The following ETV6 variants were observed in gnomAD, a reference collection of about 807,000 sequenced individuals.
ETV6 encodes the protein ETS variant transcription factor 6, also known as transcription factor ETV6.
A neutral mutation model predicts 51.1 loss-of-function variants in ETV6; 16 were observed. The observed-to-expected ratio is 0.31, with a 90% CI of 0.21 to 0.48. The LOEUF (loss-of-function observed/expected upper bound fraction) is 0.48. ETV6 is among the 20% of genes least tolerant of loss of function. The pLI, the probability that ETV6 is intolerant of heterozygous loss-of-function variation, is 0.99. For missense variants in ETV6, 458 were observed against 594.8 expected (o/e 0.77, Z 2.39); for synonymous variants, 240 against 224.1 (o/e 1.07, Z -0.64).
intron 2 of ETV6, among the ~76,000 whole-genome samples, chr12:11,831,199 G>GTGTGTC (rs1565543126): frequency 6.6e-6 from 1 of 151,792 alleles, no homozygotes; most frequent in Non-Finnish European, 1.5e-5. Flanking sequence ...TTGTGTGTGT[G>GTGTGTC]TGTGTCTGTG....
chr12:11,858,863 A>G (rs1192663268), intron 4 of ETV6, among the ~76,000 whole-genome samples: 3 of 152,148 alleles, frequency 2.0e-5, no homozygotes, highest in Non-Finnish European at 4.4e-5. Flanking sequence ...AGTGCAATTG[A>G]TCTCAATTTT....
In ETV6 at chr12:11,752,626, CG is replaced by C. The variant is rs72552337; in HGVS notation, c.163+52del. 11,802 of 1,569,252 alleles carry C rather than the reference CG, an allele frequency of 7.5e-3. 82 individuals are homozygous for C. The highest frequency in any genetic ancestry group is 0.023 in the South Asian group (2,063 of 88,242). ...GGGACAGAGGATTGATGGCGTGGGG[CG>C]GGGGTGGCAGGCAGTGGGCTCCAGG... On this transcript the variant is annotated intron_variant, in intron 2 of 7. Transcript: ENST00000396373.
At chr12:11,831,181 T>A (rs1946238910) in intron 2 of ETV6, among the ~76,000 whole-genome samples, 1 of 152,116 alleles carries the variant, frequency 6.6e-6, no homozygotes, top group Admixed American at 6.6e-5. Context: ...GCTCAATTTT[T>A]AAATAGTTTG....
At chr12:11,819,449 G>T (rs973781205) in intron 2 of ETV6, among the ~76,000 whole-genome samples, 1 of 152,192 alleles carries the variant, frequency 6.6e-6, no homozygotes, top group South Asian at 2.1e-4. Context: ...TCATCAGTGC[G>T]ATGGGGACTT....
intron 1 of ETV6, among the ~76,000 whole-genome samples, chr12:11,661,836 G>C (rs1383953589): frequency 6.6e-6 from 1 of 152,190 alleles, no homozygotes; most frequent in Admixed American, 6.5e-5. Context: ...GTCTGGCAGG[G>C]CTGTGAGTGA....
chr12:11,874,113 C>T lies in ETV6; in HGVS notation c.1009+4144C>T, dbSNP rs958388066. Among the ~76,000 whole-genome samples, 39 of 94,094 alleles carry T rather than the reference C, an allele frequency of 4.1e-4. 14 individuals are homozygous for T. The highest frequency in any genetic ancestry group is 1.6e-3 in the African/African-American group (38 of 23,772). The allele number at this position is 94,094 out of a possible 152,430, so 61.7% of individuals were successfully genotyped here. On this transcript the variant is annotated intron_variant, in intron 5 of 7. Transcript: ENST00000396373. ...TTTTCAGGCTGGGTACTGTGGCTCA[C>T]GCCTGTAATCCCAGTACTTTGGAAG...
chr12:11,805,219 G>A (rs1945811829), intron 2 of ETV6, among the ~76,000 whole-genome samples: 1 of 152,154 alleles, frequency 6.6e-6, no homozygotes, highest in African/African-American at 2.4e-5. Flanking sequence ...GTAGGAAAAC[G>A]AGTTTGTTTA....
intron 2 of ETV6, among the ~76,000 whole-genome samples, chr12:11,773,748 A>G (rs1019125017): frequency 2.0e-5 from 3 of 152,324 alleles, no homozygotes; most frequent in East Asian, 1.9e-4. Context: ...TATACTTGGT[A>G]TCTTGGAAAA....
At chr12:11,844,830 A>G (rs573949914) in intron 3 of ETV6, among the ~76,000 whole-genome samples, 2 of 149,752 alleles carry the variant, frequency 1.3e-5, no homozygotes, top group African/African-American at 4.9e-5. Context: ...AAGTCATTTT[A>G]TTTCTTTTCT....
chr12:11,651,567 T>C lies in ETV6; in HGVS notation c.33+1407T>C, dbSNP rs547033835. On this transcript the variant is annotated intron_variant, in intron 1 of 7. Transcript: ENST00000396373. ...TTGTACATAACTGGAGGTAGCAGTA[T>C]GTATGTCTGTGGGCATGGGGCGTGC... Among the ~76,000 whole-genome samples the C allele has an allele frequency of 8.5e-5, 13 of 152,326 alleles. No individual in the cohort carries two copies. The South Asian group carries it at 1.0e-3, about 12-fold the overall frequency.
chr12:11,817,075 T>TGG (rs1170796668), intron 2 of ETV6, among the ~76,000 whole-genome samples: 3 of 152,202 alleles, frequency 2.0e-5, no homozygotes, highest in African/African-American at 4.8e-5. Flanking sequence ...TCAAACAGGC[T>TGG]GGTCTGCAAA....
intron 1 of ETV6, among the ~76,000 whole-genome samples, chr12:11,735,584 G>A (rs1468945906): frequency 3.3e-5 from 5 of 151,930 alleles, no homozygotes; most frequent in African/African-American, 7.3e-5. Context: ...TGTCACTTAC[G>A]ATGATGATGA....
Position 11,779,462 on chromosome 12 carries a change from T to A in ETV6, c.163+26883T>A, listed in dbSNP as rs547167582. Reference sequence around the variant, plus strand: ...GTAATCATTCACGTCAAGAAAGGAATGGATTGCTCAAAAAAGAAGTCAGAC... The same window carrying A: ...GTAATCATTCACGTCAAGAAAGGAAAGGATTGCTCAAAAAAGAAGTCAGAC... On this transcript the variant is annotated intron_variant, in intron 2 of 7. Transcript: ENST00000396373. Among the ~76,000 whole-genome samples the A allele has an allele frequency of 3.3e-5, 5 of 152,268 alleles. No individual in the cohort carries two copies. The South Asian group carries it at 1.0e-3, about 32-fold the overall frequency.
At position 11,893,737 on chromosome 12, in the gene ETV6, T is replaced by C. The variant is rs1158426349; in HGVS notation, c.*2691T>C. 1 of 197,450 alleles carries C rather than the reference T, an allele frequency of 5.1e-6. No individual in the cohort carries two copies. Among genetic ancestry groups the C allele is most frequent in the Non-Finnish European group, 1.0e-5 (1 of 97,772 alleles). 12.2% of individuals were successfully genotyped at this position (197,450 alleles called of 1,614,324 possible). On this transcript the variant is annotated 3_prime_UTR_variant, in exon 8 of 8. Transcript: ENST00000396373. ...TCAGGCTATGTGTATAAAGTATATA[T>C]GAGCCATAAATGAATTTTGTGTTTA...
intron 4 of ETV6, among the ~76,000 whole-genome samples, chr12:11,865,144 A>C (rs1029254988): frequency 6.6e-6 from 1 of 151,786 alleles, no homozygotes; most frequent in African/African-American, 2.4e-5. Flanking sequence ...CCAGCTACTC[A>C]GGAGGCTGAG....
At chr12:11,822,487 C>T (rs1385365612) in intron 2 of ETV6, among the ~76,000 whole-genome samples, 1 of 152,134 alleles carries the variant, frequency 6.6e-6, no homozygotes, top group Admixed American at 6.5e-5. Context: ...AAACATATAC[C>T]CTTTACTGTT....
At position 11,826,612 on chromosome 12, in the gene ETV6, C is replaced by T. The variant is rs1946157356; in HGVS notation, c.164-12528C>T. The T allele has an allele frequency of 1.3e-5, 2 of 152,354 alleles. 1 individual carries two copies. Among genetic ancestry groups the T allele is most frequent in the South Asian group, 4.1e-4 (2 of 4,824 alleles). The allele number at this position is 152,354 out of a possible 1,614,324, so 9.4% of individuals were successfully genotyped here. A position where few individuals can be genotyped will look rare whatever the true frequency, so the allele number is the denominator to read the frequency against. ...ACCCACCAAAGCTAAGTGTGAACAG[C>T]CTGTATTGATTTATCATTTTCCTTT... On this transcript the variant is annotated intron_variant, in intron 2 of 7. Transcript: ENST00000396373.
intron 2 of ETV6, among the ~76,000 whole-genome samples, chr12:11,761,264 G>A (rs1190850433): frequency 6.6e-6 from 1 of 152,018 alleles, no homozygotes; most frequent in Non-Finnish European, 1.5e-5. Context: ...TGACAAGAGG[G>A]CCCAGATGGA....
intron 1 of ETV6, among the ~76,000 whole-genome samples, chr12:11,691,414 CTA>C (rs1319915417): frequency 6.6e-6 from 1 of 152,202 alleles, no homozygotes; most frequent in Non-Finnish European, 1.5e-5. Flanking sequence ...CCCAAGGTAA[CTA>C]TTATCTGAAC....
Sources: gnomAD v4.1 joint callset for allele counts (sites outside exome capture counted in the v4.1 genomes callset) on GRCh38, gnomAD v4.1.1 for gene constraint, MANE v1.5 for transcripts, NCBI Gene and HGNC (gene_info 2026-07-23, HGNC 2026-07-21) for gene names.